The following SYNJ2BP variants were observed in gnomAD, a reference collection of about 807,000 sequenced individuals.
The protein encoded by SYNJ2BP is synaptojanin 2 binding protein, also known as synaptojanin-2-binding protein.
SYNJ2BP carries 10 observed loss-of-function variants against 16.9 expected under a neutral mutation model. The ratio of observed to expected loss-of-function variants is 0.59; its 90% CI spans 0.36 to 1.00. SYNJ2BP has a LOEUF of 1.00. Ranked by LOEUF, SYNJ2BP falls within the 50% of genes least tolerant of loss-of-function variation. The probability of loss-of-function intolerance (pLI) is 0.01; values close to 1 mark genes in which losing one functional copy is unlikely to be tolerated. For synonymous variants in SYNJ2BP, 54 were observed against 68.4 expected (o/e 0.79, Z 1.04); for missense variants, 162 against 186.7 (o/e 0.87, Z 0.77).
chr14:70,399,933 T>C (rs1888200083), intron 1 of SYNJ2BP, among the ~76,000 whole-genome samples: 1 of 152,200 alleles, frequency 6.6e-6, no homozygotes, highest in African/African-American at 2.4e-5. Flanking sequence ...AGCCCACCCC[T>C]TTTATTTCTT....
chr14:70,417,037 G>C lies in SYNJ2BP; in HGVS notation c.-74C>G, dbSNP rs752795553. The C allele has an allele frequency of 1.1e-4, 173 of 1,610,192 alleles. 2 individuals are homozygous for C. Among genetic ancestry groups the C allele is most frequent in the Admixed American group, 2.5e-4 (15 of 59,712 alleles). On this transcript the variant is annotated 5_prime_UTR_variant, in exon 1 of 4. Coordinates refer to ENST00000256366, the MANE Select transcript of SYNJ2BP (RefSeq NM_018373.3). Reference sequence around the variant, plus strand: ...CAGGTGAAGGTGAATCAATCTCGGCGCTGCGCCCACAGCACAGCGGTTTCG... The same window carrying C: ...CAGGTGAAGGTGAATCAATCTCGGCCCTGCGCCCACAGCACAGCGGTTTCG...
Position 70,375,737 on chromosome 14 carries a change from T to C in SYNJ2BP, c.236A>G (p.Gln79Arg). The C allele has an allele frequency of 6.2e-7, 1 of 1,614,160 alleles. No individual in the cohort carries two copies. The highest frequency in any genetic ancestry group is 1.1e-5 in the South Asian group (1 of 91,066). ...ATTACGAAAGAGGTCTACAGCATCC[T>C]GGTGCAGCAGGTTCTTTAGGTCTTG... ...NGQDLKNLLHQDAVDLFRNAG... is the reference protein window; with the variant it reads ...NGQDLKNLLHRDAVDLFRNAG... The change falls in exon 3 of 4, where the codon CAG (glutamine) becomes CGG (arginine). Residue 79 changes from glutamine to arginine, a missense_variant. Gln to Arg is a conservative substitution (Grantham distance 43). Coordinates refer to ENST00000256366, the MANE Select transcript of SYNJ2BP (RefSeq NM_018373.3).
Position 70,417,023 on chromosome 14 carries a change from G to T in SYNJ2BP, c.-60C>A. ...GCTGGAGTGCAGCACAGGTGAAGGT[G>T]AATCAATCTCGGCGCTGCGCCCACA... On this transcript the variant is annotated 5_prime_UTR_variant, in exon 1 of 4. Coordinates refer to ENST00000256366, the MANE Select transcript of SYNJ2BP (RefSeq NM_018373.3). 6.2e-7 allele frequency: 1 copy of T among 1,612,416 alleles called. No individual in the cohort carries two copies. The highest frequency in any genetic ancestry group is 8.5e-7 in the Non-Finnish European group (1 of 1,179,158).
At chr14:70,406,574 G>C (rs1011802068) in intron 1 of SYNJ2BP, among the ~76,000 whole-genome samples, 1 of 152,136 alleles carries the variant, frequency 6.6e-6, no homozygotes, top group Non-Finnish European at 1.5e-5. Flanking sequence ...GAACTTCCCC[G>C]AATTGCTCCA....
At chr14:70,397,281 C>G (rs536389246) in intron 1 of SYNJ2BP, among the ~76,000 whole-genome samples, 1 of 145,880 alleles carries the variant, frequency 6.9e-6, no homozygotes, top group Admixed American at 6.8e-5. Context: ...TATATATACG[C>G]CTGTTAGGTC....
intron 1 of SYNJ2BP, among the ~76,000 whole-genome samples, chr14:70,390,066 GAA>G (rs1369320656): frequency 1.3e-5 from 2 of 151,926 alleles, no homozygotes; most frequent in Non-Finnish European, 2.9e-5. Flanking sequence ...TTAAAAGAAA[GAA>G]AAAAGAGAAG....
intron 1 of SYNJ2BP, among the ~76,000 whole-genome samples, chr14:70,393,515 C>T (rs1044653581): frequency 6.6e-6 from 1 of 152,180 alleles, no homozygotes; most frequent in Non-Finnish European, 1.5e-5. Context: ...ATGTTTACTG[C>T]AGCACTGTTT....
In SYNJ2BP at chr14:70,388,469, C is replaced by A. The variant is rs747710828; in HGVS notation, c.201+1G>T. 7.1e-6 allele frequency: 11 copies of A among 1,559,692 alleles called. No individual in the cohort carries two copies. The South Asian group carries it at 1.4e-4, about 19-fold the overall frequency. ...TGAAGGAGGCCGAAGCCCATTCTCA[C>A]CGAAAGGATCTTATCACCCTCCTGG... On this transcript the variant is annotated splice_donor_variant, in intron 2 of 3. Transcript: ENST00000256366. LOFTEE classifies it high-confidence loss of function.
intron 1 of SYNJ2BP, among the ~76,000 whole-genome samples, chr14:70,389,002 T>C (rs1182677785): frequency 1.3e-5 from 2 of 151,462 alleles, no homozygotes; most frequent in African/African-American, 2.4e-5. Flanking sequence ...CAGGAGTTCA[T>C]AGCTCAGTTG....
At chr14:70,388,641 T>C in intron 1 of SYNJ2BP, 35 bp from the exon 2 acceptor site, 1 of 1,447,980 alleles carries the variant, frequency 6.9e-7, no homozygotes, top group South Asian at 1.6e-5. Context: ...AAGATGGGGG[T>C]GAAGAAGAAA....
At chr14:70,387,293 C>T (rs774226125) in intron 2 of SYNJ2BP, among the ~76,000 whole-genome samples, 5 of 152,188 alleles carry the variant, frequency 3.3e-5, no homozygotes, top group African/African-American at 7.2e-5. Context: ...ACTCCCTTAT[C>T]CCCCAGCAAA....
chr14:70,380,332 C>T (rs1182162251), intron 2 of SYNJ2BP, among the ~76,000 whole-genome samples: 1 of 152,094 alleles, frequency 6.6e-6, no homozygotes, highest in African/African-American at 2.4e-5. Flanking sequence ...ATTGGTTTTG[C>T]CATTTAGTTT....
At chr14:70,380,241 T>C (rs549826659) in intron 2 of SYNJ2BP, among the ~76,000 whole-genome samples, 2 of 152,328 alleles carry the variant, frequency 1.3e-5, no homozygotes, top group South Asian at 2.1e-4. Context: ...CACTAATCTA[T>C]ATGAATTTAC....
At chr14:70,403,994 CTG>C (rs1888295220) in intron 1 of SYNJ2BP, among the ~76,000 whole-genome samples, 1 of 152,104 alleles carries the variant, frequency 6.6e-6, no homozygotes, top group Non-Finnish European at 1.5e-5. Flanking sequence ...ATGAAAATGG[CTG>C]TTTCTTCTGA....
intron 2 of SYNJ2BP, among the ~76,000 whole-genome samples, chr14:70,379,983 G>A (rs948708100): frequency 6.6e-6 from 1 of 152,118 alleles, no homozygotes; most frequent in Non-Finnish European, 1.5e-5. Flanking sequence ...AATAATCTTT[G>A]CCATAGTAGT....
At chr14:70,377,466 AT>A (rs1211328391) in intron 2 of SYNJ2BP, among the ~76,000 whole-genome samples, 1 of 152,192 alleles carries the variant, frequency 6.6e-6, no homozygotes, top group Non-Finnish European at 1.5e-5. Flanking sequence ...ACACGCAGTG[AT>A]AGCTGTTCCA....
At position 70,417,083 on chromosome 14, in the gene SYNJ2BP, C is replaced by A; in HGVS notation, c.-120G>T. ...TTTCGGTTTCAGCAGCCTCGAGACC[C>A]GGAAAAGGAAGCCCGAAGGACTCGG... On this transcript the variant is annotated 5_prime_UTR_variant, in exon 1 of 4. Coordinates refer to ENST00000256366, the MANE Select transcript of SYNJ2BP (RefSeq NM_018373.3). The A allele has an allele frequency of 6.7e-7, 1 of 1,488,056 alleles. No individual in the cohort carries two copies. The highest frequency in any genetic ancestry group is 9.2e-7 in the Non-Finnish European group (1 of 1,088,748). 92.2% of individuals were successfully genotyped at this position (1,488,056 alleles called of 1,614,324 possible). A position where few individuals can be genotyped will look rare whatever the true frequency, so the allele number is the denominator to read the frequency against.
chr14:70,377,192 T>A (rs1216978570), intron 2 of SYNJ2BP, among the ~76,000 whole-genome samples: 1 of 152,240 alleles, frequency 6.6e-6, no homozygotes. Context: ...GTAACCTTTT[T>A]AGACTTTACT....
At chr14:70,390,952 G>A in intron 1 of SYNJ2BP, among the ~76,000 whole-genome samples, 1 of 152,010 alleles carries the variant, frequency 6.6e-6, no homozygotes, top group East Asian at 1.9e-4. Context: ...TGGGCAACGT[G>A]GTGAAACCCC....
Sources: gnomAD v4.1 joint callset for allele counts (sites outside exome capture counted in the v4.1 genomes callset) on GRCh38, gnomAD v4.1.1 for gene constraint, MANE v1.5 for transcripts, NCBI Gene and HGNC (gene_info 2026-07-23, HGNC 2026-07-21) for gene names.